TMTC1: variants seen among roughly 807,000 people sequenced by gnomAD.
TMTC1 encodes the protein protein O-mannosyl-transferase TMTC1.
TMTC1 carries 73 observed loss-of-function variants against 104.8 expected under a neutral mutation model. The ratio of observed to expected loss-of-function variants is 0.70; its 90% confidence interval spans 0.58 to 0.85. TMTC1 has a LOEUF of 0.85. TMTC1 is among the 40% of genes least tolerant of loss of function. The pLI, the probability that TMTC1 is intolerant of heterozygous loss-of-function variation, is 0.00. For missense variants in TMTC1, 1,035 were observed against 1,096.1 expected (o/e 0.94, Z 0.79); for synonymous variants, 434 against 428.7 (o/e 1.01, Z -0.15).
chr12:29,565,491 T>A (rs1243716304), intron 9 of TMTC1, among the ~76,000 whole-genome samples: 1 of 152,206 alleles, frequency 6.6e-6, no homozygotes, highest in African/African-American at 2.4e-5. Context: ...TGACGACATT[T>A]AGGTTTTACA....
intron 9 of TMTC1, 137 bp downstream of exon 9, chr12:29,571,968 A>G: frequency 1.6e-6 from 1 of 640,826 alleles, no homozygotes. Context: ...AGAGTCCAAG[A>G]GCTACCCCAC....
At chr12:29,558,161 A>G (rs1342611463) in intron 9 of TMTC1, among the ~76,000 whole-genome samples, 6 of 152,236 alleles carry the variant, frequency 3.9e-5, no homozygotes. Context: ...TGTTTTTGAT[A>G]TATTCAGAGT....
intron 2 of TMTC1, among the ~76,000 whole-genome samples, chr12:29,767,381 T>C (rs1008862785): frequency 6.6e-6 from 1 of 152,252 alleles, no homozygotes; most frequent in Non-Finnish European, 1.5e-5. Flanking sequence ...TAATTTTTTA[T>C]AGTTCTTCCC....
chr12:29,542,130 C>T (rs1944817830), intron 10 of TMTC1, among the ~76,000 whole-genome samples: 1 of 152,220 alleles, frequency 6.6e-6, no homozygotes, highest in East Asian at 1.9e-4. Flanking sequence ...TATTGAAAGG[C>T]CAGAGTTAAC....
intron 5 of TMTC1, among the ~76,000 whole-genome samples, chr12:29,645,120 G>T (rs1183490024): frequency 6.6e-6 from 1 of 152,168 alleles, no homozygotes; most frequent in African/African-American, 2.4e-5. Flanking sequence ...GATTCTATGG[G>T]TTTTAAGAAA....
At chr12:29,638,843 G>A (rs1181210318) in intron 5 of TMTC1, among the ~76,000 whole-genome samples, 1 of 152,200 alleles carries the variant, frequency 6.6e-6, no homozygotes, top group East Asian at 1.9e-4. Flanking sequence ...TTGGTGATCT[G>A]TCCTGCTCCC....
chr12:29,689,521 G>A (rs1043674291), intron 5 of TMTC1, among the ~76,000 whole-genome samples: 5 of 152,138 alleles, frequency 3.3e-5, no homozygotes, highest in South Asian at 2.1e-4. Context: ...CACCATGTTG[G>A]CCAGGCTGGT....
In TMTC1 at chr12:29,506,193, C is replaced by T; in HGVS notation, c.*653G>A. ...GGGGTGCCCAGCTCCTTGATTTCCC[C>T]CTAGGGATAAAGATATCCATGTACA... On this transcript the variant is annotated 3_prime_UTR_variant, in exon 18 of 18. Coordinates refer to ENST00000539277, the MANE Select transcript of TMTC1 (RefSeq NM_001193451.2). The T allele has an allele frequency of 6.6e-6, 1 of 152,084 alleles. No homozygotes were observed. The highest frequency in any genetic ancestry group is 1.5e-5 in the Non-Finnish European group (1 of 68,006). The allele number at this position is 152,084 out of a possible 1,614,324, so 9.4% of individuals were successfully genotyped here.
At chr12:29,732,403 C>T (rs1942567244) in intron 5 of TMTC1, among the ~76,000 whole-genome samples, 1 of 152,116 alleles carries the variant, frequency 6.6e-6, no homozygotes, top group African/African-American at 2.4e-5. Flanking sequence ...GTAAGCCCTT[C>T]CAGTAGGAAA....
intron 5 of TMTC1, among the ~76,000 whole-genome samples, chr12:29,745,117 A>T (rs916996072): frequency 6.6e-6 from 1 of 151,922 alleles, no homozygotes; most frequent in Non-Finnish European, 1.5e-5. Flanking sequence ...TTTAAAACAC[A>T]TTTCCTGCCA....
chr12:29,538,380 G>A (rs1244044561), intron 10 of TMTC1, among the ~76,000 whole-genome samples: 1 of 152,052 alleles, frequency 6.6e-6, no homozygotes. Context: ...CTTATGGTCA[G>A]CAGAACTCTT....
At chr12:29,777,410 T>G (rs1449479121) in intron 1 of TMTC1, among the ~76,000 whole-genome samples, 1 of 152,128 alleles carries the variant, frequency 6.6e-6, no homozygotes, top group Non-Finnish European at 1.5e-5. Flanking sequence ...CCCCTCTCTT[T>G]AAGTGAGATG....
At chr12:29,686,259 T>C (rs377170418) in intron 5 of TMTC1, among the ~76,000 whole-genome samples, 4 of 152,346 alleles carry the variant, frequency 2.6e-5, no homozygotes, top group African/African-American at 9.6e-5. Flanking sequence ...TTCTTCCATC[T>C]ACCCCTAATA....
At chr12:29,566,029 G>C (rs1197665576) in intron 9 of TMTC1, among the ~76,000 whole-genome samples, 6 of 152,290 alleles carry the variant, frequency 3.9e-5, no homozygotes, top group Non-Finnish European at 8.8e-5. Flanking sequence ...CAAAACGATA[G>C]GTGAGTAGAG....
chr12:29,768,710 G>A (rs753983034), intron 1 of TMTC1, among the ~76,000 whole-genome samples: 3 of 152,134 alleles, frequency 2.0e-5, no homozygotes, highest in Non-Finnish European at 4.4e-5. Flanking sequence ...TCCACAATGT[G>A]TATTAAATGT....
intron 7 of TMTC1, among the ~76,000 whole-genome samples, chr12:29,599,354 T>C (rs761465360): frequency 2.6e-5 from 4 of 152,222 alleles, no homozygotes; most frequent in African/African-American, 4.8e-5. Flanking sequence ...GAAAAGATTA[T>C]TCCAATTTCT....
intron 9 of TMTC1, chr12:29,568,900 C>T: frequency 2.2e-6 from 1 of 455,830 alleles, no homozygotes; most frequent in Non-Finnish European, 4.4e-6. Context: ...GGTAACCGAA[C>T]AGTCGGAGAG....
intron 10 of TMTC1, among the ~76,000 whole-genome samples, chr12:29,542,123 T>C (rs138209918): frequency 5.9e-5 from 9 of 152,318 alleles, no homozygotes; most frequent in Admixed American, 5.2e-4. Flanking sequence ...TGAGTTATAT[T>C]GAAAGGCCAG....
Position 29,507,944 on chromosome 12 carries a change from A to G in TMTC1, c.2509-958T>C, listed in dbSNP as rs142302341. ...AGTGACCCTCTACATTTCCATCACA[A>G]TTAAAAATTGTATCTCTTAGAGTGA... is the stretch of plus-strand genomic sequence containing the variant. On this transcript the variant is annotated intron_variant, in intron 17 of 17. Coordinates refer to ENST00000539277, the MANE Select transcript of TMTC1 (RefSeq NM_001193451.2). Among the ~76,000 whole-genome samples the G allele has an allele frequency of 3.3e-5, 5 of 152,330 alleles. No homozygotes were observed. In the East Asian group the frequency reaches 9.6e-4, roughly 29 times the overall value.
Sources: gnomAD v4.1 joint callset for allele counts (sites outside exome capture counted in the v4.1 genomes callset) on GRCh38, gnomAD v4.1.1 for gene constraint, MANE v1.5 for transcripts, NCBI Gene and HGNC (gene_info 2026-07-23, HGNC 2026-07-21) for gene names.